Variants in RASSF8 observed in about 807,000 individuals in gnomAD.
The protein encoded by RASSF8 is Ras association domain family member 8.
A neutral mutation model predicts 48.5 loss-of-function variants in RASSF8; 22 were observed. That is an observed-to-expected ratio of 0.45 (90% confidence interval 0.32 to 0.65). The LOEUF (loss-of-function observed/expected upper bound fraction) is 0.65, where lower values mean the gene tolerates loss of function less well. RASSF8 is among the 30% of genes least tolerant of loss of function. The pLI is 0.03. For synonymous variants in RASSF8, 127 were observed against 171.5 expected, an observed-to-expected ratio of 0.74 and a Z score of 2.03; for missense variants, 418 against 489.2, an observed-to-expected ratio of 0.85 and a Z score of 1.37.
chr12:26,025,417 C>T (rs1942886194), intron 2 of RASSF8, among the ~76,000 whole-genome samples: 1 of 151,986 alleles, frequency 6.6e-6, no homozygotes, highest in African/African-American at 2.4e-5. Flanking sequence ...ATTAGCCAGG[C>T]GTGTTGGCGG....
At chr12:25,985,729 G>T (rs1411874431) in intron 1 of RASSF8, among the ~76,000 whole-genome samples, 1 of 152,162 alleles carries the variant, frequency 6.6e-6, no homozygotes, top group Non-Finnish European at 1.5e-5. Context: ...TTAATATTTG[G>T]GGGAGAGAAA....
intron 2 of RASSF8, among the ~76,000 whole-genome samples, chr12:26,013,647 A>C (rs1354625725): frequency 1.3e-5 from 2 of 151,856 alleles, no homozygotes; most frequent in African/African-American, 2.4e-5. Flanking sequence ...TTTTTTAATA[A>C]TAAAAGGACC....
intron 1 of RASSF8, among the ~76,000 whole-genome samples, chr12:25,975,030 T>TA (rs928631655): frequency 6.6e-6 from 1 of 152,058 alleles, no homozygotes; most frequent in African/African-American, 2.4e-5. Flanking sequence ...ATGGATAAAA[T>TA]AGAGATGTGG....
At chr12:25,990,117 G>A (rs1335766739) in intron 1 of RASSF8, among the ~76,000 whole-genome samples, 1 of 152,136 alleles carries the variant, frequency 6.6e-6, no homozygotes, top group Non-Finnish European at 1.5e-5. Flanking sequence ...TCCTGATCAA[G>A]TCACCTAATC....
chr12:26,001,015 G>T (rs1273724703), intron 2 of RASSF8, among the ~76,000 whole-genome samples: 1 of 133,396 alleles, frequency 7.5e-6, no homozygotes, highest in Non-Finnish European at 1.6e-5. Context: ...TGAGACTAGG[G>T]TCTCTGTCAC....
In RASSF8 at chr12:26,071,737, A is replaced by C. The variant is rs189857521; in HGVS notation, c.*2919A>C. On this transcript the variant is annotated 3_prime_UTR_variant, in exon 6 of 6. Transcript: ENST00000689635. ...TCTCCCAGTCATCAATGAGGTAATC[A>C]TCAATTCCTATAGTTCAAATTAGTC... 2 of 983,782 alleles carry C rather than the reference A, an allele frequency of 2.0e-6. No homozygotes were observed. 60.9% of individuals were successfully genotyped at this position (983,782 alleles called of 1,614,324 possible).
intron 3 of RASSF8, among the ~76,000 whole-genome samples, chr12:26,058,854 G>A (rs1306895825): frequency 1.3e-5 from 2 of 152,146 alleles, no homozygotes; most frequent in African/African-American, 4.8e-5. Context: ...ATGGATGTAG[G>A]ACACATGCTC....
chr12:25,978,684 A>AT (rs770251561), intron 1 of RASSF8, among the ~76,000 whole-genome samples: 13,050 of 145,476 alleles, frequency 0.09, 654 homozygotes, highest in African/African-American at 0.14. Flanking sequence ...ATGTAGGTTA[A>AT]TTTTTTTTTT....
chr12:25,985,486 C>T (rs1320231753), intron 1 of RASSF8, among the ~76,000 whole-genome samples: 1 of 152,134 alleles, frequency 6.6e-6, no homozygotes, highest in Non-Finnish European at 1.5e-5. Context: ...TGCAGGGGTC[C>T]AGTTCATCTG....
At chr12:26,061,690 G>A (rs1386731627) in intron 3 of RASSF8, among the ~76,000 whole-genome samples, 1 of 152,124 alleles carries the variant, frequency 6.6e-6, no homozygotes, top group Non-Finnish European at 1.5e-5. Context: ...ATCAGAATCT[G>A]TGTAAATGAA....
At chr12:26,003,597 A>C (rs888446389) in intron 2 of RASSF8, among the ~76,000 whole-genome samples, 4 of 152,166 alleles carry the variant, frequency 2.6e-5, no homozygotes, top group Non-Finnish European at 4.4e-5. Context: ...GACATAATAT[A>C]TTATAACCTT....
chr12:26,027,636 C>T (rs78596079), intron 2 of RASSF8, among the ~76,000 whole-genome samples: 208 of 152,266 alleles, frequency 1.4e-3, no homozygotes, highest in African/African-American at 4.9e-3. Flanking sequence ...TGGTTGTGGC[C>T]TTGGAGCTGA....
Position 26,068,872 on chromosome 12 carries a change from TC to T in RASSF8, c.*56del. The T allele has an allele frequency of 6.6e-7, 1 of 1,524,288 alleles. No individual in the cohort carries two copies. Among genetic ancestry groups the T allele is most frequent in the Non-Finnish European group, 8.8e-7 (1 of 1,140,466 alleles). The allele number at this position is 1,524,288 out of a possible 1,614,324, so 94.4% of individuals were successfully genotyped here. On this transcript the variant is annotated 3_prime_UTR_variant, in exon 6 of 6. Transcript: ENST00000689635. ...ACAGAGGTACCAAGGACAGTAAACT[TC>T]CTTTTTGATTTGTGCCAATGATGAA...
At chr12:26,001,199 ATTTTT>A (rs34731435) in intron 2 of RASSF8, among the ~76,000 whole-genome samples, 3 of 136,948 alleles carry the variant, frequency 2.2e-5, no homozygotes. Context: ...CTAATTTTTA[ATTTTT>A]TTTTTTTTTT....
At chr12:25,998,306 A>G (rs1407741468) in intron 2 of RASSF8, among the ~76,000 whole-genome samples, 1 of 151,364 alleles carries the variant, frequency 6.6e-6, no homozygotes. Context: ...ATTTTTAGAT[A>G]TCTTTCACAA....
intron 2 of RASSF8, among the ~76,000 whole-genome samples, chr12:26,004,027 A>C (rs1284117804): frequency 1.3e-5 from 2 of 152,032 alleles, no homozygotes; most frequent in African/African-American, 4.8e-5. Flanking sequence ...AAATACAAAA[A>C]TTAGACAGGT....
intron 1 of RASSF8, among the ~76,000 whole-genome samples, chr12:25,983,893 C>G (rs2136918537): frequency 6.6e-6 from 1 of 152,298 alleles, no homozygotes; most frequent in Admixed American, 6.5e-5. Context: ...GTGTGCCAGC[C>G]TGTTGACAGC....
chr12:25,961,960 T>G (rs537332492), intron 1 of RASSF8, among the ~76,000 whole-genome samples: 32 of 152,146 alleles, frequency 2.1e-4, no homozygotes, highest in Non-Finnish European at 4.0e-4. Context: ...GCCATCCTAA[T>G]GCAAGCCACT....
chr12:26,032,389 A>G (rs1943047773), intron 2 of RASSF8, among the ~76,000 whole-genome samples: 2 of 152,192 alleles, frequency 1.3e-5, no homozygotes, highest in Non-Finnish European at 2.9e-5. Context: ...AAACTTTGGA[A>G]TGTTGATAGA....
Sources: allele counts gnomAD v4.1 joint callset (sites outside exome capture counted in the v4.1 genomes callset), GRCh38; gene constraint gnomAD v4.1.1; transcripts MANE v1.5; gene names NCBI Gene and HGNC (gene_info 2026-07-23, HGNC 2026-07-21).